Variants in AGRN observed in about 807,000 individuals in gnomAD.
The protein encoded by AGRN is agrin, also known as agrin proteoglycan.
Under a neutral mutation model 211.0 loss-of-function variants are expected in AGRN, and 106 were observed. The ratio of observed to expected loss-of-function variants is 0.50; its 90% confidence interval spans 0.43 to 0.59. The LOEUF is 0.59. Among genes scored for constraint, AGRN ranks in the 20% least tolerant of loss-of-function variants. AGRN has a pLI of 0.00. For synonymous variants in AGRN, 1,525 were observed against 1,332.5 expected (o/e 1.14, Z -3.15); for missense variants, 3,040 against 2,982.6 (o/e 1.02, Z -0.45).
rs751987155 is a variant in AGRN, at chr1:1,020,247, C to G, written c.75C>G (p.Pro25=). ...PLLVVAACVL[P]GAGGTCPERA... ...TTGTGGTGGCCGCGTGCGTCCTGCC[C>G]GGAGCCGGCGGGACATGCCCGGAGC... The change falls in exon 1 of 36, where the codon CCC becomes CCG. Residue 25 remains proline, a synonymous_variant. Coordinates refer to ENST00000379370, the MANE Select transcript of AGRN (RefSeq NM_198576.4). The G allele has an allele frequency of 2.1e-6, 3 of 1,454,544 alleles. No individual in the cohort carries two copies. Among genetic ancestry groups the G allele is most frequent in the South Asian group, 2.6e-5 (2 of 75,482 alleles). The allele number at this position is 1,454,544 out of a possible 1,614,324, so 90.1% of individuals were successfully genotyped here. A position where few individuals can be genotyped will look rare whatever the true frequency, so the allele number is the denominator to read the frequency against.
At position 1,044,029 on chromosome 1, in the gene AGRN, C is replaced by G. The variant is rs747508825; in HGVS notation, c.1999+6C>G. The G allele has an allele frequency of 4.3e-6, 7 of 1,610,278 alleles. No individual in the cohort carries two copies. The highest frequency in any genetic ancestry group is 1.7e-5 in the Admixed American group (1 of 59,908). On this transcript the variant is annotated splice_donor_region_variant and intron_variant, in intron 10 of 35. Coordinates refer to ENST00000379370, the MANE Select transcript of AGRN (RefSeq NM_198576.4). ...GGCAGGGCCGTGCGAGCAGGGTAGG[C>G]CGGGGGACGCTGGCGAAAACTGCTG...
At chr1:1,030,301 ATG>A (rs1399711456) in intron 2 of AGRN, among the ~76,000 whole-genome samples, 3 of 28,536 alleles carry the variant, frequency 1.1e-4, no homozygotes, top group African/African-American at 4.5e-4. Flanking sequence ...TGAGATCAGC[ATG>A]TGTGTGTGTG....
rs755387116 is a variant in AGRN, at chr1:1,043,285, G to A, written c.1431G>A (p.Ala477=). The A allele has an allele frequency of 5.6e-6, 9 of 1,611,730 alleles. No homozygotes were observed. The highest frequency in any genetic ancestry group is 2.2e-5 in the South Asian group (2 of 90,600). Residue 477 remains alanine (A), a synonymous_variant, in exon 8 of 36, where the codon GCG becomes GCA. Transcript: ENST00000379370. ...TCGGGGTGCAGTGTGCATTTGGGGC[G>A]ACGTGTGCTGTGAAGAACGGGCAGG... is the stretch of plus-strand genomic sequence containing the variant. The part of the protein sequence containing the change: ...PCLGVQCAFG[A]TCAVKNGQAA...
At position 1,040,856 on chromosome 1, in the gene AGRN, C is replaced by A; in HGVS notation, c.703C>A (p.Arg235Ser). The A allele has an allele frequency of 6.5e-7, 1 of 1,528,872 alleles. No individual in the cohort carries two copies. The highest frequency in any genetic ancestry group is 8.7e-7 in the Non-Finnish European group (1 of 1,144,354). The allele number at this position is 1,528,872 out of a possible 1,614,324, so 94.7% of individuals were successfully genotyped here. A position where few individuals can be genotyped will look rare whatever the true frequency, so the allele number is the denominator to read the frequency against. ...GCAGTGCAGCCAGCAGCGCCGCATC[C>A]GCCTGCTCAGCCGCGGGCCGTGCGG... ...RAQCSQQRRI[R>S]LLSRGPCGSR... The change falls in exon 4 of 36, where the codon CGC (arginine) becomes AGC (serine). Residue 235 changes from arginine (R) to serine (S), a missense_variant. Physicochemically the swap from Arg to Ser is moderately radical, Grantham distance 110 (BLOSUM62 -1). This residue lies in a region of AGRN where 1,498 missense variants were observed against 1,457.8 expected (regional missense o/e 1.03). Transcript: ENST00000379370.
At chr1:1,042,631 C>T (rs897384740) in intron 7 of AGRN, among the ~76,000 whole-genome samples, 1 of 152,170 alleles carries the variant, frequency 6.6e-6, no homozygotes, top group Non-Finnish European at 1.5e-5. Context: ...TTTCTCTCTG[C>T]GTCTGTCTCT....
chr1:1,048,841 C>A lies in AGRN; in HGVS notation c.4106-26C>A. 6.6e-7 allele frequency: 1 copy of A among 1,521,308 alleles called. No individual in the cohort carries two copies. Among genetic ancestry groups the A allele is most frequent in the South Asian group, 1.2e-5 (1 of 82,908 alleles). 94.2% of individuals were successfully genotyped at this position (1,521,308 alleles called of 1,614,324 possible). On this transcript the variant is annotated intron_variant, in intron 23 of 35. Transcript: ENST00000379370. The surrounding 1 kb of genome is among the most constrained non-coding windows in gnomAD (Gnocchi z 5.9). ...TGGGGAATCCTCGGAGCTTTTCCAG[C>A]CGGCCCTCCCGGTCGCCCTTTGCAG...
Position 1,046,015 on chromosome 1 carries a change from G to C in AGRN, c.2732G>C (p.Arg911Pro), listed in dbSNP as rs773144997. The change falls in exon 16 of 36, where the codon CGG becomes CCG. Residue 911 changes from arginine (R) to proline (P), a missense_variant. Coordinates refer to ENST00000379370, the MANE Select transcript of AGRN (RefSeq NM_198576.4). ...GAGATGCGCTGTGAGTTCGGTGCGC[G>C]GTGCGTGGAGGAGTCTGGCTCAGCC... is the stretch of plus-strand genomic sequence containing the variant. ...CAEMRCEFGA[R>P]CVEESGSAHC... 1 of 1,613,986 alleles carries C rather than the reference G, an allele frequency of 6.2e-7. No homozygotes were observed. Among genetic ancestry groups the C allele is most frequent in the South Asian group, 1.1e-5 (1 of 91,086 alleles).
intron 12 of AGRN, 142 bp downstream of exon 12, chr1:1,044,581 G>A (rs981882009): frequency 1.1e-6 from 1 of 928,994 alleles, no homozygotes; most frequent in Middle Eastern, 3.3e-4. Context: ...TCCAGTGTTG[G>A]TGCCTGTGCA....
chr1:1,024,853 G>A (rs1170059941), intron 2 of AGRN, among the ~76,000 whole-genome samples: 2 of 152,166 alleles, frequency 1.3e-5, no homozygotes, highest in Admixed American at 6.5e-5. Context: ...CTCCCTCTGC[G>A]CCACCTTTGG....
rs540964823 is a variant in AGRN at position 1,047,091 on chromosome 1, C to T, written c.3388+134C>T. On this transcript the variant is annotated intron_variant, in intron 19 of 35. Transcript: ENST00000379370. ...TCGGCCCCCTCAAACATGTGCGTGCCGGGGACCCCACGCCTAACCCGTCTC... is the reference window on the plus strand; with the variant it reads ...TCGGCCCCCTCAAACATGTGCGTGCTGGGGACCCCACGCCTAACCCGTCTC... 183 of 1,441,342 alleles carry T rather than the reference C, an allele frequency of 1.3e-4. No individual in the cohort carries two copies. In the African/African-American group the frequency reaches 2.2e-3, roughly 17 times the overall value. 89.3% of individuals were successfully genotyped at this position (1,441,342 alleles called of 1,614,324 possible).
chr1:1,040,809 A>G lies in AGRN; in HGVS notation c.656A>G (p.Asn219Ser). 6.5e-7 allele frequency: 1 copy of G among 1,538,228 alleles called. No individual in the cohort carries two copies. The highest frequency in any genetic ancestry group is 2.4e-5 in the East Asian group (1 of 40,964). The change falls in exon 4 of 36, where the codon AAC becomes AGC. Residue 219 changes from asparagine (N) to serine (S), a missense_variant. Asn to Ser is a conservative substitution (Grantham distance 46). This residue lies in a region of AGRN where 1,498 missense variants were observed against 1,457.8 expected (regional missense o/e 1.03). Transcript: ENST00000379370. ...VCGSDASTYSNECELQRAQCS... is the reference protein window; with the variant it reads ...VCGSDASTYSSECELQRAQCS... ...GGGTCGGACGCCTCCACCTACAGCA[A>G]CGAATGCGAGCTGCAGCGGGCGCAG...
At chr1:1,042,214 C>T (rs752136135) in intron 7 of AGRN, 52 bp downstream of exon 7, 10 of 1,542,222 alleles carry the variant, frequency 6.5e-6, no homozygotes, top group Middle Eastern at 3.6e-4. Flanking sequence ...CTGCGTCAGT[C>T]CCTGCCTGGA....
At position 1,051,381 on chromosome 1, in the gene AGRN, C is replaced by CG; in HGVS notation, c.5370+16dup. ...GTGCCATCCAGCTGGTATGTGGGGG[C>CG]GGGGCGTCCCAGCAGGGCCTCCGGG... On this transcript the variant is annotated intron_variant, in intron 31 of 35. Transcript: ENST00000379370. The CG allele has an allele frequency of 1.1e-6, 1 of 906,618 alleles. No individual in the cohort carries two copies. The highest frequency in any genetic ancestry group is 1.4e-5 in the South Asian group (1 of 72,534). 56.2% of individuals were successfully genotyped at this position (906,618 alleles called of 1,614,324 possible). A position where few individuals can be genotyped will look rare whatever the true frequency, so the allele number is the denominator to read the frequency against.
chr1:1,050,633 CCCGGGG>C lies in AGRN; in HGVS notation c.5141+50_5141+55del, dbSNP rs762878813. 3.1e-6 allele frequency: 5 copies of C among 1,603,940 alleles called. No individual in the cohort carries two copies. In the South Asian group the frequency reaches 5.5e-5, roughly 18 times the overall value. ...GGCTCTGGGAGGCCTGGGGCACTGG[CCCGGGG>C]CCGGGGCACCAGCAGGTCGCTCAGG... On this transcript the variant is annotated intron_variant, in intron 29 of 35. Coordinates refer to ENST00000379370, the MANE Select transcript of AGRN (RefSeq NM_198576.4).
At chr1:1,034,151 G>C in intron 2 of AGRN, 6 of 985,246 alleles carry the variant, frequency 6.1e-6, no homozygotes, top group Non-Finnish European at 7.2e-6. Flanking sequence ...GACGGGGACA[G>C]CAGACCCTCG....
intron 3 of AGRN, among the ~76,000 whole-genome samples, chr1:1,039,373 C>G (rs1644874264): frequency 6.8e-6 from 1 of 147,650 alleles, no homozygotes; most frequent in South Asian, 2.2e-4. Context: ...ATAGCAACAG[C>G]TGGCTCCAGC....
At chr1:1,050,403 C>T in intron 28 of AGRN, 24 bp from the exon 29 acceptor site, 2 of 1,612,716 alleles carry the variant, frequency 1.2e-6, no homozygotes, top group East Asian at 2.2e-5. Context: ...ACAGCAAAGA[C>T]ACCCCGACTC....
At chr1:1,051,424 C>T (rs745461424) in intron 31 of AGRN, 29 bp from the exon 32 acceptor site, 18 of 1,540,978 alleles carry the variant, frequency 1.2e-5, no homozygotes, top group African/African-American at 4.1e-5. Context: ...GGGTGGCAGG[C>T]GGGACAAGGC....
intron 21 of AGRN, 28 bp from the exon 22 acceptor site, chr1:1,047,748 G>T: frequency 6.2e-7 from 1 of 1,611,132 alleles, no homozygotes; most frequent in Non-Finnish European, 8.5e-7. Context: ...CTGGGGCTCT[G>T]CCATGCTCAG....
Sources: allele counts gnomAD v4.1 joint callset (sites outside exome capture counted in the v4.1 genomes callset), GRCh38; gene constraint gnomAD v4.1.1; regional missense constraint gnomAD v4.1.1; non-coding constraint Gnocchi (gnomAD v3.1); transcripts MANE v1.5; gene names NCBI Gene and HGNC (gene_info 2026-07-23, HGNC 2026-07-21).